KCNH5: variants seen among roughly 807,000 people sequenced by gnomAD.
KCNH5 encodes the protein voltage-gated delayed rectifier potassium channel KCNH5.
A neutral mutation model predicts 96.1 loss-of-function variants in KCNH5; 46 were observed. The observed-to-expected ratio is 0.48, with a 90% CI of 0.38 to 0.61. The LOEUF (loss-of-function observed/expected upper bound fraction) is 0.61, where lower values mean the gene tolerates loss of function less well. Among genes scored for constraint, KCNH5 ranks in the 20% least tolerant of loss-of-function variants. The pLI is 0.00. For synonymous variants in KCNH5, 439 were observed against 449.8 expected, an observed-to-expected ratio of 0.98 and a Z score of 0.30; for missense variants, 907 against 1,225.8, an observed-to-expected ratio of 0.74 and a Z score of 3.88.
intron 10 of KCNH5, among the ~76,000 whole-genome samples, chr14:62,769,536 T>G (rs1885941190): frequency 6.6e-6 from 1 of 152,242 alleles, no homozygotes; most frequent in African/African-American, 2.4e-5. Context: ...CTACTCTGAA[T>G]GCACTAGACA....
chr14:62,749,506 T>G (rs912965384), intron 10 of KCNH5, among the ~76,000 whole-genome samples: 13 of 152,220 alleles, frequency 8.5e-5, no homozygotes, highest in African/African-American at 2.9e-4. Context: ...GTCTCCCAGC[T>G]GTGTTGTAAC....
In KCNH5 at chr14:62,919,277, T is replaced by C. The variant is rs191547922; in HGVS notation, c.1369+30856A>G. On this transcript the variant is annotated intron_variant, in intron 7 of 10. Coordinates refer to ENST00000322893, the MANE Select transcript of KCNH5 (RefSeq NM_139318.5). ...CATTTTTCTTCACGAGTATGTATTA[T>C]TTTTACAATCAGAGAAAATGAAGCT... 5.0e-4 allele frequency among the ~76,000 whole-genome samples: 76 copies of C among 152,272 alleles called. 2 individuals carry two copies. The highest frequency in any genetic ancestry group is 1.7e-3 in the African/African-American group (71 of 41,560).
intron 9 of KCNH5, among the ~76,000 whole-genome samples, chr14:62,790,082 T>C (rs1047250177): frequency 4.0e-5 from 6 of 151,368 alleles, no homozygotes; most frequent in Admixed American, 6.6e-5. Flanking sequence ...TTTTTTTGTA[T>C]GGGTGGAAAA....
chr14:62,715,252 T>G (rs1452166668), intron 10 of KCNH5, among the ~76,000 whole-genome samples: 1 of 152,320 alleles, frequency 6.6e-6, no homozygotes, highest in South Asian at 2.1e-4. Context: ...ATGGATTCAG[T>G]GTTACATAAT....
chr14:62,734,258 C>T (rs1885110696), intron 10 of KCNH5, among the ~76,000 whole-genome samples: 2 of 152,068 alleles, frequency 1.3e-5, no homozygotes, highest in African/African-American at 4.8e-5. Context: ...GAAAATCTGC[C>T]TATTCTATCC....
At chr14:62,893,392 C>T (rs1888749417) in intron 7 of KCNH5, among the ~76,000 whole-genome samples, 1 of 152,130 alleles carries the variant, frequency 6.6e-6, no homozygotes, top group Admixed American at 6.5e-5. Context: ...GAAAGTGGTT[C>T]CTTGAGATGG....
chr14:62,971,307 T>C (rs542894819), intron 6 of KCNH5, among the ~76,000 whole-genome samples: 78 of 152,146 alleles, frequency 5.1e-4, no homozygotes, highest in African/African-American at 1.8e-3. Flanking sequence ...TCTAATAAAA[T>C]GTGCACATGA....
chr14:62,832,477 T>C (rs550952860), intron 8 of KCNH5, among the ~76,000 whole-genome samples: 1 of 152,310 alleles, frequency 6.6e-6, no homozygotes, highest in South Asian at 2.1e-4. Context: ...TCGTTGTTCG[T>C]ATTTAGCAGA....
rs1024118786 is a variant in KCNH5, at chr14:62,814,362, T to C, written c.1570-11781A>G. Among the ~76,000 whole-genome samples the C allele has an allele frequency of 2.0e-5, 3 of 152,210 alleles. No individual in the cohort carries two copies. In the East Asian group the frequency reaches 5.8e-4, roughly 29 times the overall value. ...TTAGAGCTTCTACTGTGCTTTGCTCTTAATCTCGTGTCTTTACTGTCTTAC... is the reference window on the plus strand; with the variant it reads ...TTAGAGCTTCTACTGTGCTTTGCTCCTAATCTCGTGTCTTTACTGTCTTAC... On this transcript the variant is annotated intron_variant, in intron 8 of 10. Transcript: ENST00000322893.
intron 6 of KCNH5, among the ~76,000 whole-genome samples, chr14:62,979,903 G>A (rs58036009): frequency 0.016 from 2,506 of 152,256 alleles, 65 homozygotes; most frequent in African/African-American, 0.058. Context: ...CATCTGATAT[G>A]GTTTGGCTCT....
intron 10 of KCNH5, among the ~76,000 whole-genome samples, chr14:62,727,239 C>T (rs1448657730): frequency 6.6e-6 from 1 of 152,104 alleles, no homozygotes; most frequent in Admixed American, 6.5e-5. Flanking sequence ...GTGGCACATG[C>T]CTGCCATCCC....
intron 10 of KCNH5, among the ~76,000 whole-genome samples, chr14:62,740,844 A>G (rs1205568444): frequency 2.0e-5 from 3 of 152,164 alleles, no homozygotes; most frequent in African/African-American, 7.2e-5. Context: ...TCTTTAGAGC[A>G]ATACAAACTG....
chr14:63,014,031 C>A (rs1891278293), intron 2 of KCNH5, among the ~76,000 whole-genome samples: 1 of 152,074 alleles, frequency 6.6e-6, no homozygotes, highest in South Asian at 2.1e-4. Context: ...CTTCATTGTT[C>A]TGTGAGGGCA....
intron 3 of KCNH5, among the ~76,000 whole-genome samples, chr14:63,005,438 A>G (rs1490375539): frequency 6.6e-6 from 1 of 152,236 alleles, no homozygotes; most frequent in Non-Finnish European, 1.5e-5. Context: ...GGCACTGAAC[A>G]TGGAACAGGC....
intron 8 of KCNH5, among the ~76,000 whole-genome samples, chr14:62,804,197 T>G (rs1595630070): frequency 6.6e-6 from 1 of 152,250 alleles, no homozygotes; most frequent in Admixed American, 6.5e-5. Context: ...CATCTCTGGG[T>G]TTTTTTCATA....
intron 6 of KCNH5, 95 bp downstream of exon 6, chr14:62,980,777 A>T: frequency 7.6e-7 from 1 of 1,319,086 alleles, no homozygotes; most frequent in Non-Finnish European, 1.0e-6. Context: ...AGTGGTGGCT[A>T]AAAAGAGGTT....
intron 10 of KCNH5, among the ~76,000 whole-genome samples, chr14:62,768,808 A>C (rs952633534): frequency 2.0e-5 from 3 of 152,232 alleles, no homozygotes; most frequent in Non-Finnish European, 2.9e-5. Context: ...TACTGAATCC[A>C]GCCCCAACTT....
At chr14:63,032,377 A>G (rs1351842965) in intron 1 of KCNH5, among the ~76,000 whole-genome samples, 2 of 152,182 alleles carry the variant, frequency 1.3e-5, no homozygotes, top group Non-Finnish European at 2.9e-5. Context: ...GTGAGGAAGA[A>G]TCAGTGCAGG....
intron 1 of KCNH5, among the ~76,000 whole-genome samples, chr14:63,033,856 T>TC (rs1397745295): frequency 6.6e-6 from 1 of 152,006 alleles, no homozygotes; most frequent in African/African-American, 2.4e-5. Context: ...AAGCAGATAT[T>TC]CCCCCGCTTT....
Sources: allele counts gnomAD v4.1 joint callset (sites outside exome capture counted in the v4.1 genomes callset), GRCh38; gene constraint gnomAD v4.1.1; transcripts MANE v1.5; gene names NCBI Gene and HGNC (gene_info 2026-07-23, HGNC 2026-07-21).